The following DIAPH2 variants were observed in gnomAD, a reference collection of about 807,000 sequenced individuals.
DIAPH2 encodes the protein diaphanous related formin 2, also known as protein diaphanous homolog 2.
In DIAPH2, 35 loss-of-function variants were observed where a neutral mutation model predicts 92.7. The observed-to-expected ratio is 0.38, with a 90% CI of 0.29 to 0.50. DIAPH2 has a LOEUF of 0.50. DIAPH2 is among the 20% of genes least tolerant of loss of function. The pLI, the probability that DIAPH2 is intolerant of heterozygous loss-of-function variation, is 0.94. For missense variants in DIAPH2, 701 were observed against 819.5 expected, an observed-to-expected ratio of 0.86 and a Z score of 1.77; for synonymous variants, 301 against 280.4, an observed-to-expected ratio of 1.07 and a Z score of -0.73.
chrX:97,007,075 G>A (rs1433673028), intron 17 of DIAPH2, among the ~76,000 whole-genome samples: 1 of 110,984 alleles, frequency 9.0e-6, no homozygotes, highest in Non-Finnish European at 1.9e-5. Context: ...CTACACTTTA[G>A]CCTCATCCCC....
intron 1 of DIAPH2, among the ~76,000 whole-genome samples, chrX:96,732,394 C>T (rs187740903): frequency 8.1e-5 from 9 of 111,691 alleles, no homozygotes; most frequent in African/African-American, 2.3e-4. Flanking sequence ...TTTTCCTTTT[C>T]GATAGACCAT....
intron 22 of DIAPH2, among the ~76,000 whole-genome samples, chrX:97,187,281 C>CTTTTTTTTTT (rs763781923): frequency 0.081 from 2,984 of 36,869 alleles, 1,096 homozygotes; most frequent in East Asian, 0.18. Flanking sequence ...ATTAAGTAGC[C>CTTTTTTTTTT]TTTTTTTTTT....
chrX:96,985,904 G>C (rs1276974213), intron 17 of DIAPH2, among the ~76,000 whole-genome samples: 1 of 110,877 alleles, frequency 9.0e-6, no homozygotes, highest in Non-Finnish European at 1.9e-5. Flanking sequence ...TCTCCTAAGA[G>C]GTGACTGTTA....
rs931961646 is a variant in DIAPH2 at position 96,781,853 on chromosome X, A to G, written c.447+23595A>G. 3.6e-5 allele frequency among the ~76,000 whole-genome samples: 4 copies of G among 111,170 alleles called. No individual in the cohort carries two copies. The East Asian group carries it at 1.1e-3, about 31-fold the overall frequency. On this transcript the variant is annotated intron_variant, in intron 4 of 26. Transcript: ENST00000324765. Reference sequence around the variant, plus strand: ...GAGAATAACTTAAGCAAAATAGTACACCAGATAACTGTTATGTGGTAATAG... The same window carrying G: ...GAGAATAACTTAAGCAAAATAGTACGCCAGATAACTGTTATGTGGTAATAG...
At chrX:97,430,315 A>G (rs773073720) in intron 26 of DIAPH2, among the ~76,000 whole-genome samples, 44 of 112,320 alleles carry the variant, frequency 3.9e-4, no homozygotes, top group Admixed American at 2.8e-4. Context: ...CAGGGGAAGA[A>G]AAATCGTAAA....
At chrX:96,845,250 T>C (rs1484676949) in intron 4 of DIAPH2, among the ~76,000 whole-genome samples, 1 of 111,947 alleles carries the variant, frequency 8.9e-6, no homozygotes, top group Non-Finnish European at 1.9e-5. Flanking sequence ...TGGCATATTG[T>C]TTACTAGTTC....
chrX:97,195,541 A>C (rs1474212459), intron 22 of DIAPH2, among the ~76,000 whole-genome samples: 1 of 109,302 alleles, frequency 9.1e-6, no homozygotes, highest in Non-Finnish European at 1.9e-5. Flanking sequence ...CACACCTGTA[A>C]TCTCAGCTAC....
intron 22 of DIAPH2, among the ~76,000 whole-genome samples, chrX:97,192,345 T>C (rs2067662155): frequency 9.5e-6 from 1 of 105,707 alleles, no homozygotes; most frequent in South Asian, 4.2e-4. Context: ...TTTTCAAAAG[T>C]AGAAGTTCTC....
In DIAPH2 at chrX:97,497,446, A is replaced by AT. The variant is rs376528999; in HGVS notation, c.3241+67716dup. Among the ~76,000 whole-genome samples the AT allele has an allele frequency of 8.2e-3, 762 of 92,869 alleles. 6 individuals are homozygous for AT. Among genetic ancestry groups the AT allele is most frequent in the African/African-American group, 0.022 (550 of 25,363 alleles). The allele number at this position is 92,869 out of a possible 115,157, so 80.6% of individuals were successfully genotyped here. The stretch of plus-strand genomic sequence containing the variant: ...CAGCCAATTTGTAAGCTCTGATCAC[A>AT]TTTTTTTTTTTTTTTACCACATTCT... On this transcript the variant is annotated intron_variant, in intron 26 of 26. Coordinates refer to ENST00000324765, the MANE Select transcript of DIAPH2 (RefSeq NM_006729.5).
chrX:97,300,143 T>C (rs1315293521), intron 23 of DIAPH2, among the ~76,000 whole-genome samples: 1 of 112,374 alleles, frequency 8.9e-6, no homozygotes, highest in Non-Finnish European at 1.9e-5. Flanking sequence ...ATGCTGTTTG[T>C]AGAGAAATCA....
At chrX:97,380,790 G>A (rs2069544181) in intron 24 of DIAPH2, among the ~76,000 whole-genome samples, 1 of 111,639 alleles carries the variant, frequency 9.0e-6, no homozygotes, top group East Asian at 2.8e-4. Context: ...AACAGCACTA[G>A]TGACCAGAAT....
chrX:97,136,112 G>T (rs751572972), intron 21 of DIAPH2, among the ~76,000 whole-genome samples: 27 of 112,239 alleles, frequency 2.4e-4, no homozygotes, highest in African/African-American at 7.8e-4. Context: ...CTGTACTTGT[G>T]TCCAGCATAG....
intron 22 of DIAPH2, among the ~76,000 whole-genome samples, chrX:97,153,812 A>G (rs2067303108): frequency 9.0e-6 from 1 of 111,226 alleles, no homozygotes; most frequent in African/African-American, 3.3e-5. Flanking sequence ...ATTGTCCCCC[A>G]TTTAAAGGTT....
At chrX:97,125,471 C>CAAAAA (rs1159049051) in intron 21 of DIAPH2, among the ~76,000 whole-genome samples, 3 of 19,214 alleles carry the variant, frequency 1.6e-4, no homozygotes, top group African/African-American at 2.8e-4. Flanking sequence ...GACTCCGTCT[C>CAAAAA]AAAAAAAAAA....
At chrX:97,185,411 G>A (rs866569789) in intron 22 of DIAPH2, among the ~76,000 whole-genome samples, 7 of 26,646 alleles carry the variant, frequency 2.6e-4, no homozygotes, top group African/African-American at 1.1e-3. Flanking sequence ...ATATATATAT[G>A]TATATATATA....
intron 17 of DIAPH2, among the ~76,000 whole-genome samples, chrX:96,989,698 G>C (rs1324181601): frequency 8.9e-6 from 1 of 111,743 alleles, no homozygotes. Flanking sequence ...CTGCATCTAA[G>C]ATAGCTTAGT....
intron 1 of DIAPH2, 134 bp from the exon 2 acceptor site, chrX:96,735,624 G>A: frequency 2.3e-6 from 1 of 429,078 alleles, no homozygotes; most frequent in Non-Finnish European, 4.0e-6. Flanking sequence ...TTGTTTATAT[G>A]TTTGAACTTT....
intron 26 of DIAPH2, among the ~76,000 whole-genome samples, chrX:97,451,897 T>C (rs949324812): frequency 2.7e-5 from 3 of 111,843 alleles, no homozygotes; most frequent in Non-Finnish European, 5.7e-5. Context: ...AGTTCAACTT[T>C]AGACTTCTTT....
chrX:97,152,161 T>C lies in DIAPH2; in HGVS notation c.2719+10367T>C, dbSNP rs149372209. Among the ~76,000 whole-genome samples the C allele has an allele frequency of 7.0e-3, 779 of 111,596 alleles. 8 individuals carry two copies. The highest frequency in any genetic ancestry group is 0.024 in the African/African-American group (734 of 30,713). ...GCTTAAGAGATGTAGGGCTTAGGGA[T>C]TGGGGAGGTTACCAAACAGTATCAG... On this transcript the variant is annotated intron_variant, in intron 22 of 26. Coordinates refer to ENST00000324765, the MANE Select transcript of DIAPH2 (RefSeq NM_006729.5).
Sources: allele counts gnomAD v4.1 joint callset (sites outside exome capture counted in the v4.1 genomes callset), GRCh38; gene constraint gnomAD v4.1.1; transcripts MANE v1.5; gene names NCBI Gene and HGNC (gene_info 2026-07-23, HGNC 2026-07-21).